Variants in KALRN observed in about 807,000 individuals in gnomAD.
KALRN encodes kalirin RhoGEF kinase.
A neutral mutation model predicts 353.7 loss-of-function variants in KALRN; 70 were observed. The ratio of observed to expected loss-of-function variants is 0.20; its 90% CI spans 0.16 to 0.24. The LOEUF (loss-of-function observed/expected upper bound fraction) is 0.24, where lower values mean the gene tolerates loss of function less well. Among genes scored for constraint, KALRN ranks in the 10% least tolerant of loss-of-function variants. The probability of loss-of-function intolerance (pLI) is 1.00; values close to 1 mark genes in which losing one functional copy is unlikely to be tolerated. For synonymous variants in KALRN, 1,391 were observed against 1,434.8 expected (o/e 0.97, Z 0.69); for missense variants, 2,791 against 3,756.7 (o/e 0.74, Z 6.72).
intron 34 of KALRN, among the ~76,000 whole-genome samples, chr3:124,580,569 A>C (rs35876759): frequency 0.25 from 37,928 of 152,080 alleles, 4,885 homozygotes; most frequent in East Asian, 0.33. Flanking sequence ...CAGGCTGGAG[A>C]ATCTAGGCAT....
In KALRN at chr3:124,674,532, G is replaced by C; in HGVS notation, c.7111G>C (p.Ala2371Pro). The C allele has an allele frequency of 6.2e-7, 1 of 1,613,540 alleles. No individual in the cohort carries two copies. Among genetic ancestry groups the C allele is most frequent in the Non-Finnish European group, 8.5e-7 (1 of 1,179,800 alleles). Residue 2371 changes from alanine (A) to proline (P), a missense_variant, in exon 49 of 60, where the codon GCC (alanine) becomes CCC (proline). Transcript: ENST00000682506. ...VYQPASDHSP[A>P]AEGWVPGSIL... Reference sequence around the variant, plus strand: ...CCAGCCTGCCAGCGACCATTCCCCCGCCGCCGAGGGCTGGGTCCCAGGCAG... The same window carrying C: ...CCAGCCTGCCAGCGACCATTCCCCCCCCGCCGAGGGCTGGGTCCCAGGCAG...
Position 124,434,539 on chromosome 3 carries a change from CTGTGGGGCT to C in KALRN, c.3048+24_3048+32del. The C allele has an allele frequency of 6.2e-7, 1 of 1,612,422 alleles. No individual in the cohort carries two copies. The highest frequency in any genetic ancestry group is 8.5e-7 in the Non-Finnish European group (1 of 1,178,588). On this transcript the variant is annotated intron_variant, in intron 17 of 59. Transcript: ENST00000682506. ...ACTTCTGAACAGGTGAGGGAAAAGA[CTGTGGGGCT>C]TGTGGGGCTGAGATTGCCAGGGGGC... is the stretch of plus-strand genomic sequence containing the variant.
intron 1 of KALRN, among the ~76,000 whole-genome samples, chr3:124,061,916 A>G (rs1304526454): frequency 6.9e-6 from 1 of 144,922 alleles, no homozygotes; most frequent in Non-Finnish European, 1.5e-5. Context: ...CAGACTATTT[A>G]TTTAGAACAA....
intron 6 of KALRN, among the ~76,000 whole-genome samples, chr3:124,312,720 T>C (rs887378465): frequency 6.6e-6 from 1 of 152,250 alleles, no homozygotes; most frequent in African/African-American, 2.4e-5. Context: ...CTGTGTCTTT[T>C]ACTAAACACT....
At chr3:124,219,433 G>C (rs2077659281) in intron 1 of KALRN, among the ~76,000 whole-genome samples, 1 of 152,190 alleles carries the variant, frequency 6.6e-6, no homozygotes, top group African/African-American at 2.4e-5. Context: ...TATCAGAGTT[G>C]AGAGAAGGTA....
intron 5 of KALRN, among the ~76,000 whole-genome samples, chr3:124,289,491 T>TA (rs542829646): frequency 2.5e-4 from 37 of 149,070 alleles, no homozygotes; most frequent in Middle Eastern, 3.4e-3. Context: ...TTTCTCTACC[T>TA]AAAAAAAAAA....
intron 1 of KALRN, among the ~76,000 whole-genome samples, chr3:124,146,792 G>A (rs538357857): frequency 1.3e-5 from 2 of 148,482 alleles, no homozygotes; most frequent in African/African-American, 5.0e-5. Flanking sequence ...CAGGAGAATC[G>A]CTTGCGCCTG....
At chr3:124,275,628 C>T (rs1051900811) in intron 5 of KALRN, among the ~76,000 whole-genome samples, 1 of 152,204 alleles carries the variant, frequency 6.6e-6, no homozygotes, top group African/African-American at 2.4e-5. Flanking sequence ...ACATTGGCTT[C>T]CCTTCCTTCT....
At chr3:124,299,001 C>T (rs1209934391) in intron 6 of KALRN, 88 bp downstream of exon 6, 18 of 1,525,352 alleles carry the variant, frequency 1.2e-5, no homozygotes, top group African/African-American at 2.7e-5. Flanking sequence ...ACTTTCCACC[C>T]GAGGAAGAAC....
intron 34 of KALRN, among the ~76,000 whole-genome samples, chr3:124,604,225 T>A (rs555509431): frequency 6.6e-6 from 1 of 152,214 alleles, no homozygotes. Flanking sequence ...TATGTATACA[T>A]GTGCCATGCT....
chr3:124,585,633 G>A (rs2075099130), intron 34 of KALRN, among the ~76,000 whole-genome samples: 1 of 152,096 alleles, frequency 6.6e-6, no homozygotes, highest in Non-Finnish European at 1.5e-5. Context: ...TCTCAATTGT[G>A]TGGCTTCTTC....
At chr3:124,319,659 C>T (rs1030897994) in intron 6 of KALRN, among the ~76,000 whole-genome samples, 1 of 149,632 alleles carries the variant, frequency 6.7e-6, no homozygotes, top group African/African-American at 2.5e-5. Flanking sequence ...AGAAAAAGAC[C>T]CTAAAGAAAA....
chr3:124,476,738 T>C (rs2061465047), intron 26 of KALRN, among the ~76,000 whole-genome samples: 1 of 152,172 alleles, frequency 6.6e-6, no homozygotes. Flanking sequence ...CCATGATTGC[T>C]CTGGGAAGTT....
At chr3:124,234,555 A>G (rs1034380572) in intron 2 of KALRN, among the ~76,000 whole-genome samples, 10 of 152,212 alleles carry the variant, frequency 6.6e-5, no homozygotes, top group African/African-American at 2.4e-4. Flanking sequence ...CCCATGTGCC[A>G]ACTCATCAGT....
intron 1 of KALRN, among the ~76,000 whole-genome samples, chr3:124,044,859 C>CTCCTTCCTTCCT (rs1186718315): frequency 3.0e-4 from 13 of 43,214 alleles, no homozygotes; most frequent in African/African-American, 9.8e-4. Context: ...CCCTCCCTCC[C>CTCCTTCCTTCCT]TCCTTCCTTC....
intron 7 of KALRN, among the ~76,000 whole-genome samples, chr3:124,326,879 G>C (rs997426520): frequency 6.6e-6 from 1 of 152,288 alleles, no homozygotes; most frequent in South Asian, 2.1e-4. Flanking sequence ...TAAAAGCAAA[G>C]TTAATAAATA....
intron 13 of KALRN, among the ~76,000 whole-genome samples, chr3:124,400,909 G>A (rs1251420313): frequency 6.6e-6 from 1 of 152,092 alleles, no homozygotes; most frequent in Non-Finnish European, 1.5e-5. Context: ...TAAGGGGGAG[G>A]AAACAATCTG....
At chr3:124,275,818 G>A (rs1393898996) in intron 5 of KALRN, among the ~76,000 whole-genome samples, 1 of 151,692 alleles carries the variant, frequency 6.6e-6, no homozygotes, top group African/African-American at 2.4e-5. Context: ...GTAGATTCTT[G>A]GGGGTCCTGC....
At chr3:124,666,886 G>C (rs1407098058) in intron 46 of KALRN, 126 bp from the exon 47 acceptor site, 2 of 961,868 alleles carry the variant, frequency 2.1e-6, no homozygotes, top group African/African-American at 3.3e-5. Flanking sequence ...CCTAAGTACT[G>C]TCCTGCTAGA....
Sources: allele counts gnomAD v4.1 joint callset (sites outside exome capture counted in the v4.1 genomes callset), GRCh38; gene constraint gnomAD v4.1.1; transcripts MANE v1.5; gene names NCBI Gene and HGNC (gene_info 2026-07-23, HGNC 2026-07-21).